NCOA2: variants seen among roughly 807,000 people sequenced by gnomAD.
NCOA2 encodes nuclear receptor coactivator 2.
Under a neutral mutation model 145.1 loss-of-function variants are expected in NCOA2, and 21 were observed. The observed-to-expected ratio is 0.14, with a 90% confidence interval of 0.10 to 0.21. NCOA2 has a LOEUF of 0.21. NCOA2 is among the 10% of genes least tolerant of loss of function. The pLI, the probability that NCOA2 is intolerant of heterozygous loss-of-function variation, is 1.00. For synonymous variants in NCOA2, 619 were observed against 637.5 expected (o/e 0.97, Z 0.44); for missense variants, 1,472 against 1,837.6 (o/e 0.80, Z 3.64).
chr8:70,172,091 G>T (rs746439607), intron 5 of NCOA2, among the ~76,000 whole-genome samples: 7 of 152,236 alleles, frequency 4.6e-5, no homozygotes, highest in Non-Finnish European at 5.9e-5. Flanking sequence ...CTCACAAAGG[G>T]GTGAAATTAC....
chr8:70,133,071 GGTGTGTGT>G (rs148660851), intron 15 of NCOA2, among the ~76,000 whole-genome samples: 32 of 148,728 alleles, frequency 2.2e-4, no homozygotes, highest in African/African-American at 7.4e-5. Context: ...GTAGAGGAGG[GGTGTGTGT>G]GTGTGTGTGT....
intron 5 of NCOA2, among the ~76,000 whole-genome samples, chr8:70,172,988 T>C (rs1325578042): frequency 2.0e-5 from 3 of 152,156 alleles, no homozygotes; most frequent in South Asian, 2.1e-4. Flanking sequence ...CATGAGAACA[T>C]GTTCTCTCTG....
chr8:70,244,099 G>C (rs1349185112), intron 2 of NCOA2, among the ~76,000 whole-genome samples: 2 of 151,980 alleles, frequency 1.3e-5, no homozygotes, highest in Admixed American at 6.6e-5. Context: ...GAAATTGCCT[G>C]ATACATTCCT....
intron 1 of NCOA2, among the ~76,000 whole-genome samples, chr8:70,308,233 T>A (rs1301014811): frequency 6.6e-6 from 1 of 152,180 alleles, no homozygotes; most frequent in Non-Finnish European, 1.5e-5. Flanking sequence ...GAGCTTACTG[T>A]TTCATGGGGC....
At chr8:70,201,801 A>AT (rs924124480) in intron 4 of NCOA2, among the ~76,000 whole-genome samples, 6 of 152,176 alleles carry the variant, frequency 3.9e-5, no homozygotes, top group African/African-American at 7.2e-5. Context: ...AATACTCTTT[A>AT]GGGGGACATG....
intron 21 of NCOA2, among the ~76,000 whole-genome samples, chr8:70,123,444 G>C (rs1255357746): frequency 6.6e-6 from 1 of 152,144 alleles, no homozygotes; most frequent in East Asian, 1.9e-4. Context: ...CTTGAGCCGG[G>C]AGACGGATGT....
chr8:70,225,345 C>G (rs1055709318), intron 2 of NCOA2, among the ~76,000 whole-genome samples: 1 of 151,924 alleles, frequency 6.6e-6, no homozygotes, highest in Admixed American at 6.6e-5. Context: ...GTCAGACGTT[C>G]GAGACCAACA....
At chr8:70,422,510 G>C in the NCOA2 span, among the ~76,000 whole-genome samples, 1 of 151,732 alleles carries the variant, frequency 6.6e-6, no homozygotes, top group Non-Finnish European at 1.5e-5. Flanking sequence ...TCCCAGGGTC[G>C]AGCGATCCTC....
At chr8:70,164,294 T>C (rs1413713533) in intron 7 of NCOA2, among the ~76,000 whole-genome samples, 1 of 152,158 alleles carries the variant, frequency 6.6e-6, no homozygotes, top group Non-Finnish European at 1.5e-5. Context: ...AAAGTTTTAT[T>C]TATCTTTGTA....
intron 2 of NCOA2, among the ~76,000 whole-genome samples, chr8:70,286,467 A>G (rs1280022566): frequency 6.6e-6 from 1 of 152,236 alleles, no homozygotes; most frequent in Non-Finnish European, 1.5e-5. Context: ...ACTTTTCAAG[A>G]GACTTAACCG....
In NCOA2 at chr8:70,148,596, G is replaced by A. The variant is rs1811383099; in HGVS notation, c.2395-113C>T. Reference sequence around the variant, plus strand: ...AAGGCACCACAGCCAAATAAAATAGGTAGATTCCTGCATACCACAGGCCTA... The same window carrying A: ...AAGGCACCACAGCCAAATAAAATAGATAGATTCCTGCATACCACAGGCCTA... On this transcript the variant is annotated intron_variant, in intron 11 of 22. Coordinates refer to ENST00000452400, the MANE Select transcript of NCOA2 (RefSeq NM_006540.4). 3.5e-5 allele frequency: 30 copies of A among 865,068 alleles called. 1 individual carries two copies. In the South Asian group the frequency reaches 4.5e-4, roughly 13 times the overall value. The allele number at this position is 865,068 out of a possible 1,614,324, so 53.6% of individuals were successfully genotyped here. A position where few individuals can be genotyped will look rare whatever the true frequency, so the allele number is the denominator to read the frequency against.
chr8:70,214,453 A>G (rs1169864280), intron 3 of NCOA2, among the ~76,000 whole-genome samples: 1 of 152,248 alleles, frequency 6.6e-6, no homozygotes, highest in Non-Finnish European at 1.5e-5. Flanking sequence ...AAATTTATTT[A>G]AGATTAGTAA....
upstream of NCOA2, among the ~76,000 whole-genome samples, chr8:70,408,624 C>G (rs896879355): frequency 6.6e-6 from 1 of 152,008 alleles, no homozygotes; most frequent in Non-Finnish European, 1.5e-5. Context: ...CATAGCAATA[C>G]TGTGTCTCTT....
chr8:70,147,973 T>C (rs534345608), intron 12 of NCOA2, among the ~76,000 whole-genome samples: 13 of 152,318 alleles, frequency 8.5e-5, no homozygotes, highest in African/African-American at 3.1e-4. Context: ...ATAAACTCCA[T>C]GTCTGAAGGC....
intron 2 of NCOA2, among the ~76,000 whole-genome samples, chr8:70,292,032 C>A (rs1402572233): frequency 6.6e-6 from 1 of 150,860 alleles, no homozygotes; most frequent in Non-Finnish European, 1.5e-5. Context: ...CTGAGATCCA[C>A]CCACTGCACT....
intron 4 of NCOA2, among the ~76,000 whole-genome samples, chr8:70,189,419 G>T (rs888748347): frequency 3.3e-5 from 5 of 152,108 alleles, no homozygotes; most frequent in African/African-American, 9.7e-5. Flanking sequence ...AGATTGTCCA[G>T]TCTCTGAGCC....
At chr8:70,455,281 G>C in the NCOA2 span, among the ~76,000 whole-genome samples, 1,481 of 152,278 alleles carry the variant, frequency 9.7e-3, 20 homozygotes, top group Non-Finnish European at 0.015. Flanking sequence ...AGTTAAGCAG[G>C]TTGCATGTAA....
the NCOA2 span, among the ~76,000 whole-genome samples, chr8:70,451,239 T>TATATAA: frequency 1.2e-5 from 1 of 85,144 alleles, no homozygotes; most frequent in Non-Finnish European, 2.3e-5. Context: ...AAAAAAAAAA[T>TATATAA]ATATATATAT....
intron 12 of NCOA2, among the ~76,000 whole-genome samples, chr8:70,145,324 A>ACTTTTTCTTTCT (rs146438396): frequency 6.8e-6 from 1 of 147,228 alleles, no homozygotes; most frequent in Non-Finnish European, 1.5e-5. Flanking sequence ...TGCCCGGCTA[A>ACTTTTTCTTTCT]TTTTTTCTTT....
Sources: allele counts gnomAD v4.1 joint callset (sites outside exome capture counted in the v4.1 genomes callset), GRCh38; gene constraint gnomAD v4.1.1; transcripts MANE v1.5; gene names NCBI Gene and HGNC (gene_info 2026-07-23, HGNC 2026-07-21).